The following RSRC1 variants were observed in gnomAD, a reference collection of about 807,000 sequenced individuals.
The protein encoded by RSRC1 is arginine and serine rich coiled-coil 1, also known as serine/Arginine-related protein 53.
A neutral mutation model predicts 49.1 loss-of-function variants in RSRC1; 39 were observed. The ratio of observed to expected loss-of-function variants is 0.79; its 90% confidence interval spans 0.61 to 1.04. The LOEUF (loss-of-function observed/expected upper bound fraction) is 1.04. Among genes scored for constraint, RSRC1 ranks in the 50% least tolerant of loss-of-function variants. RSRC1 has a pLI of 0.00. For missense variants in RSRC1, 388 were observed against 402.4 expected (o/e 0.96, Z 0.31); for synonymous variants, 143 against 130.8 (o/e 1.09, Z -0.63).
chr3:158,318,161 G>T (rs1728572472), intron 5 of RSRC1, among the ~76,000 whole-genome samples: 2 of 152,038 alleles, frequency 1.3e-5, no homozygotes, highest in South Asian at 4.2e-4. Flanking sequence ...CCAAAAAATT[G>T]ACAACCCCTG....
chr3:158,401,378 A>G (rs550515316), intron 6 of RSRC1, among the ~76,000 whole-genome samples: 70 of 152,174 alleles, frequency 4.6e-4, no homozygotes, highest in African/African-American at 1.6e-3. Context: ...CCAGGCTAGC[A>G]TCAGAAAACT....
chr3:158,159,915 ATGTATGTGGGTGTGTGCG>A lies in RSRC1; in HGVS notation c.320+35928_320+35945del, dbSNP rs1397452025. On this transcript the variant is annotated intron_variant, in intron 3 of 9. Coordinates refer to ENST00000611884, the MANE Select transcript of RSRC1 (RefSeq NM_001271838.2). ...GCTTCAGTTATCTTTGCTTAATGCC[ATGTATGTGGGTGTGTGCG>A]TGTGTGTGAGTGTTTGATCGCTTCA... 2.6e-5 allele frequency among the ~76,000 whole-genome samples: 4 copies of A among 152,190 alleles called. 1 individual carries two copies. The East Asian group carries it at 7.7e-4, about 29-fold the overall frequency.
chr3:158,399,911 T>C (rs9811217), intron 6 of RSRC1, among the ~76,000 whole-genome samples: 78,986 of 151,870 alleles, frequency 0.52, 20,997 homozygotes, highest in African/African-American at 0.61. Flanking sequence ...GTTTTTGAAA[T>C]TTTAAAAAAA....
At chr3:158,148,181 A>G (rs556119920) in intron 3 of RSRC1, among the ~76,000 whole-genome samples, 1 of 152,216 alleles carries the variant, frequency 6.6e-6, no homozygotes, top group Non-Finnish European at 1.5e-5. Flanking sequence ...CTTCCTATGT[A>G]TTTCCCTTTA....
intron 6 of RSRC1, among the ~76,000 whole-genome samples, chr3:158,383,711 T>A (rs1350540025): frequency 1.3e-5 from 2 of 152,166 alleles, no homozygotes; most frequent in Non-Finnish European, 2.9e-5. Context: ...AGTATTTTGA[T>A]TTATTTTAAA....
intron 3 of RSRC1, among the ~76,000 whole-genome samples, chr3:158,183,393 T>TA (rs1420208252): frequency 6.6e-6 from 1 of 152,108 alleles, no homozygotes; most frequent in Admixed American, 6.6e-5. Flanking sequence ...AGTGATTGTT[T>TA]AAAAAAAGAA....
intron 6 of RSRC1, among the ~76,000 whole-genome samples, chr3:158,451,432 A>G (rs1737021485): frequency 6.6e-6 from 1 of 152,032 alleles, no homozygotes; most frequent in East Asian, 1.9e-4. Context: ...AATTTGACAT[A>G]GTTATAACTA....
At chr3:158,267,071 C>T (rs1415462620) in intron 4 of RSRC1, among the ~76,000 whole-genome samples, 1 of 152,050 alleles carries the variant, frequency 6.6e-6, no homozygotes, top group African/African-American at 2.4e-5. Context: ...GCCTATTTCA[C>T]CTTCAGTTTT....
chr3:158,241,278 G>A (rs915449828), intron 4 of RSRC1, among the ~76,000 whole-genome samples: 2 of 148,854 alleles, frequency 1.3e-5, no homozygotes, highest in African/African-American at 4.9e-5. Flanking sequence ...CAAAACCCCA[G>A]CTCTACTAAA....
At chr3:158,285,215 G>A (rs1201277798) in intron 4 of RSRC1, among the ~76,000 whole-genome samples, 6 of 152,026 alleles carry the variant, frequency 3.9e-5, no homozygotes, top group East Asian at 1.9e-4. Context: ...GTTATTCGGC[G>A]TTATTTCTGA....
intron 3 of RSRC1, among the ~76,000 whole-genome samples, chr3:158,187,745 C>T (rs1278167996): frequency 6.6e-6 from 1 of 151,906 alleles, no homozygotes; most frequent in Non-Finnish European, 1.5e-5. Flanking sequence ...TATTTGTTTG[C>T]TTAACTTGTC....
chr3:158,404,831 A>G (rs1040280956), intron 6 of RSRC1, among the ~76,000 whole-genome samples: 11 of 152,028 alleles, frequency 7.2e-5, no homozygotes, highest in African/African-American at 2.6e-4. Context: ...AATTTGTTCC[A>G]TTTGTCCTCC....
At chr3:158,297,430 G>A (rs943177395) in intron 4 of RSRC1, among the ~76,000 whole-genome samples, 2 of 151,868 alleles carry the variant, frequency 1.3e-5, no homozygotes, top group Non-Finnish European at 2.9e-5. Flanking sequence ...TTTCTTTGGT[G>A]ATATTTTCTT....
intron 6 of RSRC1, among the ~76,000 whole-genome samples, chr3:158,454,680 T>G (rs2108395505): frequency 6.6e-6 from 1 of 152,258 alleles, no homozygotes; most frequent in East Asian, 1.9e-4. Context: ...TCTACTTAAT[T>G]GTTTTATGGT....
At chr3:158,157,701 A>C (rs1374909452) in intron 3 of RSRC1, among the ~76,000 whole-genome samples, 2 of 152,182 alleles carry the variant, frequency 1.3e-5, no homozygotes, top group Non-Finnish European at 2.9e-5. Flanking sequence ...GGATCACCTG[A>C]GGTCGGGAGT....
chr3:158,124,825 T>C (rs1386553625), intron 3 of RSRC1, among the ~76,000 whole-genome samples: 5 of 150,672 alleles, frequency 3.3e-5, no homozygotes, highest in African/African-American at 7.3e-5. Flanking sequence ...TCTTTCTTTT[T>C]TTTTTTTTTT....
chr3:158,390,033 A>G (rs1733183688), intron 6 of RSRC1, among the ~76,000 whole-genome samples: 1 of 152,212 alleles, frequency 6.6e-6, no homozygotes, highest in Non-Finnish European at 1.5e-5. Context: ...TATTCAGGTA[A>G]CAGATTTGAG....
chr3:158,470,649 T>A (rs1324646820), intron 7 of RSRC1, among the ~76,000 whole-genome samples: 1 of 152,154 alleles, frequency 6.6e-6, no homozygotes, highest in East Asian at 1.9e-4. Context: ...ACCTTGATTG[T>A]TTGTGCAAAT....
At chr3:158,526,791 G>A (rs949232116) in intron 7 of RSRC1, among the ~76,000 whole-genome samples, 4 of 151,888 alleles carry the variant, frequency 2.6e-5, no homozygotes, top group Admixed American at 1.3e-4. Flanking sequence ...ACTTTATACT[G>A]ACTAATGTTC....
Sources: allele counts gnomAD v4.1 joint callset (sites outside exome capture counted in the v4.1 genomes callset), GRCh38; gene constraint gnomAD v4.1.1; transcripts MANE v1.5; gene names NCBI Gene and HGNC (gene_info 2026-07-23, HGNC 2026-07-21).